FN3KRP: variants seen among roughly 807,000 people sequenced by gnomAD.
FN3KRP encodes the protein fructosamine 3 kinase related protein, also known as ketosamine-3-kinase.
FN3KRP carries 33 observed loss-of-function variants against 29.8 expected under a neutral mutation model. That is an observed-to-expected ratio of 1.11 (90% CI 0.84 to 1.48). FN3KRP has a LOEUF of 1.48. Ranked by LOEUF, FN3KRP falls within the 40% of genes most tolerant of loss-of-function variation. The pLI is 0.00. For synonymous variants in FN3KRP, 157 were observed against 155.2 expected (o/e 1.01, Z -0.09); for missense variants, 430 against 402.6 (o/e 1.07, Z -0.58).
intron 4 of FN3KRP, among the ~76,000 whole-genome samples, chr17:82,725,457 A>T (rs1461080464): frequency 2.0e-5 from 3 of 151,740 alleles, no homozygotes; most frequent in African/African-American, 7.3e-5. Flanking sequence ...TAATTTATTT[A>T]ATTTATTTTT....
Position 82,716,716 on chromosome 17 carries a change from T to C in FN3KRP, c.-40T>C. 6.9e-7 allele frequency: 1 copy of C among 1,455,616 alleles called. No individual in the cohort carries two copies. Among genetic ancestry groups the C allele is most frequent in the African/African-American group, 1.5e-5 (1 of 66,970 alleles). The allele number at this position is 1,455,616 out of a possible 1,614,324, so 90.2% of individuals were successfully genotyped here. On this transcript the variant is annotated 5_prime_UTR_variant, in exon 1 of 6. Coordinates refer to ENST00000269373, the MANE Select transcript of FN3KRP (RefSeq NM_024619.4). ...CCGCTCGGCCGCCGTCTCTCGAGTC[T>C]CCGCCAGATCCGGGGCGGGTCCGCG... is the stretch of plus-strand genomic sequence containing the variant.
chr17:82,717,248 G>C (rs1179729564), intron 1 of FN3KRP, among the ~76,000 whole-genome samples: 1 of 152,220 alleles, frequency 6.6e-6, no homozygotes, highest in East Asian at 1.9e-4. Flanking sequence ...GCCCTGCGGT[G>C]CTGGTTAAGT....
At position 82,719,053 on chromosome 17, in the gene FN3KRP, A is replaced by G. The variant is rs1057227860; in HGVS notation, c.289A>G (p.Ser97Gly). ...VMEHMDMRHL[S>G]SHAAKLGAQL... ...GGAGCACATGGACATGAGGCATCTG[A>G]GCAGGTGCATCTTCACACCACCCCC... The change falls in exon 2 of 6, where the codon AGC (serine) becomes GGC (glycine). Residue 97 changes from serine (S) to glycine (G), a missense_variant. Physicochemically the swap from Ser to Gly is moderately conservative, Grantham distance 56. Coordinates refer to ENST00000269373, the MANE Select transcript of FN3KRP (RefSeq NM_024619.4). The G allele has an allele frequency of 6.3e-7, 1 of 1,598,526 alleles. No individual in the cohort carries two copies. Among genetic ancestry groups the G allele is most frequent in the Non-Finnish European group, 8.5e-7 (1 of 1,175,996 alleles).
At chr17:82,722,575 C>G (rs550905313) in intron 3 of FN3KRP, 1 of 506,376 alleles carries the variant, frequency 2.0e-6, no homozygotes. Flanking sequence ...TTGATGCTGA[C>G]GTCTGCTGGA....
rs1168548991 is a variant in FN3KRP at position 82,727,746 on chromosome 17, A to C, written c.*575A>C. 2 of 152,516 alleles carry C rather than the reference A, an allele frequency of 1.3e-5. No individual in the cohort carries two copies. The highest frequency in any genetic ancestry group is 2.9e-5 in the Non-Finnish European group (2 of 68,254). The allele number at this position is 152,516 out of a possible 1,614,324, so 9.4% of individuals were successfully genotyped here. A position where few individuals can be genotyped will look rare whatever the true frequency, so the allele number is the denominator to read the frequency against. On this transcript the variant is annotated 3_prime_UTR_variant, in exon 6 of 6. Coordinates refer to ENST00000269373, the MANE Select transcript of FN3KRP (RefSeq NM_024619.4). ...CCTCCCGCAGGCTGAGCAAGTCTGT[A>C]AACTGATTCTGGGAGAAACCAAGCT...
At chr17:82,719,428 A>G (rs2046783124) in intron 2 of FN3KRP, among the ~76,000 whole-genome samples, 1 of 152,266 alleles carries the variant, frequency 6.6e-6, no homozygotes, top group Admixed American at 6.5e-5. Flanking sequence ...GGCAGAAGCA[A>G]GAGGAATCTC....
intron 2 of FN3KRP, 138 bp downstream of exon 2, chr17:82,719,195 C>A: frequency 1.3e-6 from 1 of 782,062 alleles, no homozygotes; most frequent in African/African-American, 1.7e-5. Context: ...ACACCACCCC[C>A]CAGCTGGCTT....
chr17:82,722,914 C>G, intron 4 of FN3KRP, 28 bp downstream of exon 4: 1 of 1,603,876 alleles, frequency 6.2e-7, no homozygotes, highest in Non-Finnish European at 8.5e-7. Flanking sequence ...GCTTCTATTT[C>G]ACAATCAGGT....
chr17:82,719,967 C>G (rs1276341836), intron 2 of FN3KRP, among the ~76,000 whole-genome samples: 1 of 152,104 alleles, frequency 6.6e-6, no homozygotes, highest in Non-Finnish European at 1.5e-5. Context: ...AGTTTGAGAC[C>G]AGTCTGGCCA....
intron 4 of FN3KRP, among the ~76,000 whole-genome samples, chr17:82,726,047 G>T (rs557493196): frequency 6.6e-6 from 1 of 152,282 alleles, no homozygotes; most frequent in South Asian, 2.1e-4. Context: ...GGGCGTGGTG[G>T]TGCATGCTTG....
intron 1 of FN3KRP, chr17:82,718,425 A>C: frequency 1.0e-6 from 1 of 988,212 alleles, no homozygotes; most frequent in Non-Finnish European, 1.2e-6. Flanking sequence ...GGTGGCATGG[A>C]ACTTGGTGGT....
chr17:82,717,372 C>T (rs950788773), intron 1 of FN3KRP, among the ~76,000 whole-genome samples: 2 of 152,174 alleles, frequency 1.3e-5, no homozygotes, highest in African/African-American at 4.8e-5. Flanking sequence ...AGGTGCTGCC[C>T]CCAGGCCAGC....
At chr17:82,725,355 C>T (rs1474497909) in intron 4 of FN3KRP, among the ~76,000 whole-genome samples, 2 of 152,020 alleles carry the variant, frequency 1.3e-5, no homozygotes, top group Admixed American at 6.6e-5. Context: ...TGGTCTCAAA[C>T]TCCTGGGCTC....
intron 1 of FN3KRP, among the ~76,000 whole-genome samples, 164 bp downstream of exon 1, chr17:82,717,060 C>T (rs534129449): frequency 1.4e-4 from 21 of 152,254 alleles, no homozygotes; most frequent in Non-Finnish European, 2.6e-4. Flanking sequence ...GCGGGGCGAG[C>T]GGTGAACGGG....
In FN3KRP at chr17:82,722,227, C is replaced by T. The variant is rs188852101; in HGVS notation, c.386-577C>T. 6.0e-4 allele frequency among the ~76,000 whole-genome samples: 89 copies of T among 149,288 alleles called. 1 individual carries two copies. The East Asian group carries it at 0.013, about 22-fold the overall frequency. On this transcript the variant is annotated intron_variant, in intron 3 of 5. Coordinates refer to ENST00000269373, the MANE Select transcript of FN3KRP (RefSeq NM_024619.4). The stretch of plus-strand genomic sequence containing the variant: ...TCGGCTCACTGCAACCTCCGCCTCC[C>T]GGGTTCAAGTGATTCTCCTGCCTCA...
At chr17:82,716,921 G>C (rs768934012) in intron 1 of FN3KRP, 25 bp downstream of exon 1, 2 of 1,559,640 alleles carry the variant, frequency 1.3e-6, no homozygotes, top group African/African-American at 1.4e-5. Context: ...CGGGCGGGCC[G>C]GGGGACCGGT....
In FN3KRP at chr17:82,722,812, G is replaced by A. The variant is rs897156457; in HGVS notation, c.394G>A (p.Gly132Ser). 6.2e-7 allele frequency: 1 copy of A among 1,613,952 alleles called. No homozygotes were observed. The highest frequency in any genetic ancestry group is 8.5e-7 in the Non-Finnish European group (1 of 1,179,992). Residue 132 changes from glycine (G) to serine (S), a missense_variant, in exon 4 of 6, where the codon GGT becomes AGT. By Grantham distance (56) the Gly-to-Ser change is moderately conservative (BLOSUM62 0). Transcript: ENST00000269373. ...LKEAGTVGRG[G>S]GQEERPFVAR... is the part of the protein sequence containing the mutation. ...TTACTTTTGCTTGCAAGGGAGAGGA[G>A]GTGGGCAGGAGGAACGGCCCTTTGT...
rs1324811733 is a variant in FN3KRP at position 82,722,808 on chromosome 17, AGGAGGTGGGCAG to A, written c.392_403del (p.Gly131_Gln134del). The A allele has an allele frequency of 6.2e-7, 1 of 1,613,584 alleles. No homozygotes were observed. The highest frequency in any genetic ancestry group is 1.3e-5 in the African/African-American group (1 of 74,860). On this transcript the variant is annotated inframe_deletion, in exon 4 of 6. Coordinates refer to ENST00000269373, the MANE Select transcript of FN3KRP (RefSeq NM_024619.4). ...TCTTTTACTTTTGCTTGCAAGGGAG[AGGAGGTGGGCAG>A]GAGGAACGGCCCTTTGTGGCCCGGT... is the stretch of plus-strand genomic sequence containing the variant.
At chr17:82,717,005 C>CT in intron 1 of FN3KRP, 109 bp downstream of exon 1, 2 of 1,350,992 alleles carry the variant, frequency 1.5e-6, no homozygotes, top group Non-Finnish European at 2.0e-6. Flanking sequence ...CCGTGGGTGG[C>CT]TCTCCCGGGA....
Sources: allele counts gnomAD v4.1 joint callset (sites outside exome capture counted in the v4.1 genomes callset), GRCh38; gene constraint gnomAD v4.1.1; transcripts MANE v1.5; gene names NCBI Gene and HGNC (gene_info 2026-07-23, HGNC 2026-07-21).